Variants in CNTNAP2 observed in about 807,000 individuals in gnomAD.
CNTNAP2 encodes contactin-associated protein-like 2.
In CNTNAP2, 98 loss-of-function variants were observed where a neutral mutation model predicts 155.2. That is an observed-to-expected ratio of 0.63 (90% CI 0.54 to 0.75). The LOEUF (loss-of-function observed/expected upper bound fraction) is 0.75. Ranked by LOEUF, CNTNAP2 falls within the 30% of genes least tolerant of loss-of-function variation. The probability of loss-of-function intolerance (pLI) is 0.00; values close to 1 mark genes in which losing one functional copy is unlikely to be tolerated. For missense variants in CNTNAP2, 1,727 were observed against 1,688.1 expected, an observed-to-expected ratio of 1.02 and a Z score of -0.40; for synonymous variants, 651 against 631.2, an observed-to-expected ratio of 1.03 and a Z score of -0.47.
chr7:146,947,742 C>CA (rs1385074296), intron 3 of CNTNAP2, among the ~76,000 whole-genome samples: 2 of 150,912 alleles, frequency 1.3e-5, no homozygotes, highest in Admixed American at 6.6e-5. Flanking sequence ...CCTGTTGCTA[C>CA]AAAAAATAAA....
intron 12 of CNTNAP2, among the ~76,000 whole-genome samples, chr7:147,595,257 T>G (rs1174034859): frequency 6.6e-6 from 1 of 152,206 alleles, no homozygotes; most frequent in Non-Finnish European, 1.5e-5. Flanking sequence ...ATGAATTCCC[T>G]TCTTAGCTTT....
intron 1 of CNTNAP2, among the ~76,000 whole-genome samples, chr7:146,238,758 G>A (rs1304548614): frequency 6.6e-6 from 1 of 152,110 alleles, no homozygotes; most frequent in Non-Finnish European, 1.5e-5. Flanking sequence ...AGCATGGCTG[G>A]GGAGGCCTCA....
intron 5 of CNTNAP2, among the ~76,000 whole-genome samples, chr7:147,110,767 G>T (rs1800860597): frequency 6.6e-6 from 1 of 152,124 alleles, no homozygotes; most frequent in African/African-American, 2.4e-5. Context: ...TCTTTACCCA[G>T]TCTATCATTG....
chr7:146,509,150 A>G (rs908222703), intron 1 of CNTNAP2, among the ~76,000 whole-genome samples: 5 of 152,198 alleles, frequency 3.3e-5, no homozygotes, highest in Admixed American at 2.6e-4. Context: ...AGCCTGCTGC[A>G]TACCCATCTC....
intron 1 of CNTNAP2, among the ~76,000 whole-genome samples, chr7:146,342,432 A>G (rs1794744363): frequency 6.6e-6 from 1 of 152,206 alleles, no homozygotes; most frequent in African/African-American, 2.4e-5. Flanking sequence ...GAAAAGCACA[A>G]ACATCAAGAA....
chr7:147,372,899 C>T (rs1796370939), intron 9 of CNTNAP2, among the ~76,000 whole-genome samples: 1 of 151,992 alleles, frequency 6.6e-6, no homozygotes, highest in South Asian at 2.1e-4. Context: ...ATGGGCACTG[C>T]TTAACTGGGC....
chr7:148,101,692 C>T (rs772793956), intron 15 of CNTNAP2, among the ~76,000 whole-genome samples: 1 of 152,104 alleles, frequency 6.6e-6, no homozygotes, highest in African/African-American at 2.4e-5. Context: ...GGGAAAAGGT[C>T]AGAATGCAAC....
chr7:146,533,009 G>A (rs1454908810), intron 1 of CNTNAP2, among the ~76,000 whole-genome samples: 2 of 151,252 alleles, frequency 1.3e-5, no homozygotes, highest in African/African-American at 4.9e-5. Context: ...GGCTGAGGGA[G>A]GAGAATTGCT....
At chr7:146,811,883 C>T (rs1040349459) in intron 2 of CNTNAP2, among the ~76,000 whole-genome samples, 1 of 152,138 alleles carries the variant, frequency 6.6e-6, no homozygotes, top group Admixed American at 6.6e-5. Context: ...CTCTCTCTTG[C>T]TGCCCTGTGA....
At chr7:147,056,440 CT>C (rs1181994807) in intron 4 of CNTNAP2, among the ~76,000 whole-genome samples, 1 of 152,080 alleles carries the variant, frequency 6.6e-6, no homozygotes, top group East Asian at 1.9e-4. Flanking sequence ...CCCCCAAATC[CT>C]TTTACAGGGT....
chr7:147,760,248 A>G lies in CNTNAP2; in HGVS notation c.2098+120942A>G, dbSNP rs191508839. 5.8e-3 allele frequency among the ~76,000 whole-genome samples: 872 copies of G among 149,242 alleles called. 16 individuals are homozygous for G. Among genetic ancestry groups the G allele is most frequent in the African/African-American group, 0.021 (829 of 39,938 alleles). ...TGGTAAAATTTGAGCTTCACGGGAA[A>G]AAAAAAAAAGAATTGAAGAACTTCC... is the stretch of plus-strand genomic sequence containing the variant. On this transcript the variant is annotated intron_variant, in intron 13 of 23. Coordinates refer to ENST00000361727, the MANE Select transcript of CNTNAP2 (RefSeq NM_014141.6).
At chr7:146,370,902 A>G (rs916735641) in intron 1 of CNTNAP2, among the ~76,000 whole-genome samples, 5 of 152,182 alleles carry the variant, frequency 3.3e-5, no homozygotes, top group Admixed American at 6.5e-5. Flanking sequence ...TTTGTGATCT[A>G]TCAAATTTAT....
intron 9 of CNTNAP2, among the ~76,000 whole-genome samples, chr7:147,319,895 TC>T (rs1254433735): frequency 6.6e-6 from 1 of 152,150 alleles, no homozygotes; most frequent in Admixed American, 6.5e-5. Flanking sequence ...ATCAGCAAAC[TC>T]TTTTATATAG....
intron 14 of CNTNAP2, among the ~76,000 whole-genome samples, chr7:147,910,095 A>G (rs1800035589): frequency 6.6e-6 from 1 of 152,168 alleles, no homozygotes; most frequent in Admixed American, 6.5e-5. Context: ...AGCCAGAAAC[A>G]TATTTATTTG....
At chr7:147,481,847 C>T (rs1477216398) in intron 10 of CNTNAP2, among the ~76,000 whole-genome samples, 1 of 152,192 alleles carries the variant, frequency 6.6e-6, no homozygotes, top group African/African-American at 2.4e-5. Flanking sequence ...GTGAACCAAA[C>T]TTTCAAGCTA....
intron 14 of CNTNAP2, among the ~76,000 whole-genome samples, chr7:147,953,557 G>A (rs1800972483): frequency 6.6e-6 from 1 of 152,120 alleles, no homozygotes; most frequent in Admixed American, 6.6e-5. Context: ...CAATTCTATT[G>A]GTTATGCTGA....
intron 13 of CNTNAP2, among the ~76,000 whole-genome samples, chr7:147,660,097 G>A (rs1795587650): frequency 6.6e-6 from 1 of 152,206 alleles, no homozygotes; most frequent in Non-Finnish European, 1.5e-5. Flanking sequence ...GCTGTGCAAA[G>A]CAGTGGTGAT....
At chr7:146,338,605 C>A (rs901396447) in intron 1 of CNTNAP2, among the ~76,000 whole-genome samples, 3 of 152,112 alleles carry the variant, frequency 2.0e-5, no homozygotes, top group Non-Finnish European at 4.4e-5. Context: ...ACTCCCCTTA[C>A]CTAGTTAATA....
chr7:146,604,370 T>C (rs1799005912), intron 1 of CNTNAP2, among the ~76,000 whole-genome samples: 1 of 136,196 alleles, frequency 7.3e-6, no homozygotes, highest in Non-Finnish European at 1.6e-5. Context: ...AAAACCACTA[T>C]GAGATACCAT....
Sources: gnomAD v4.1 joint callset for allele counts (sites outside exome capture counted in the v4.1 genomes callset) on GRCh38, gnomAD v4.1.1 for gene constraint, MANE v1.5 for transcripts, NCBI Gene and HGNC (gene_info 2026-07-23, HGNC 2026-07-21) for gene names.